ADARB2: variants seen among roughly 807,000 people sequenced by gnomAD.
ADARB2 encodes adenosine deaminase RNA specific B2 (inactive), also known as inactive double-stranded RNA-specific editase B2.
In ADARB2, 25 loss-of-function variants were observed where a neutral mutation model predicts 62.2. The ratio of observed to expected loss-of-function variants is 0.40; its 90% CI spans 0.29 to 0.56. The LOEUF (loss-of-function observed/expected upper bound fraction) is 0.56, where lower values mean the gene tolerates loss of function less well. Ranked by LOEUF, ADARB2 falls within the 20% of genes least tolerant of loss-of-function variation. The pLI, the probability that ADARB2 is intolerant of heterozygous loss-of-function variation, is 0.43. For synonymous variants in ADARB2, 572 were observed against 500.8 expected (o/e 1.14, Z -1.90); for missense variants, 1,071 against 1,077.4 (o/e 0.99, Z 0.08).
intron 8 of ADARB2, among the ~76,000 whole-genome samples, chr10:1,196,017 CCT>C (rs925219777): frequency 6.6e-6 from 1 of 152,084 alleles, no homozygotes; most frequent in Non-Finnish European, 1.5e-5. Context: ...TTCCAGAGTG[CCT>C]CTCTCTCCCG....
At position 1,471,394 on chromosome 10, in the gene ADARB2, AT is replaced by A. The variant is rs757824417; in HGVS notation, c.101-92235del. Among the ~76,000 whole-genome samples, 1,313 of 145,704 alleles carry A rather than the reference AT, an allele frequency of 9.0e-3. 10 individuals are homozygous for A. Among genetic ancestry groups the A allele is most frequent in the Middle Eastern group, 0.029 (8 of 280 alleles). ...AAAACTAAGAGCAGACCTTTGTACA[AT>A]TTTTTTTTTTTTGAGATGGAGTTTC... On this transcript the variant is annotated intron_variant, in intron 1 of 9. Coordinates refer to ENST00000381312, the MANE Select transcript of ADARB2 (RefSeq NM_018702.4).
chr10:1,663,662 C>G (rs899408300), intron 1 of ADARB2, among the ~76,000 whole-genome samples: 1 of 152,156 alleles, frequency 6.6e-6, no homozygotes, highest in Admixed American at 6.5e-5. Context: ...CTCTGTCACC[C>G]AGGCTAGAGT....
rs906366558 is a variant in ADARB2 at position 1,285,412 on chromosome 10, C to A, written c.1078-14343G>T. 4.6e-5 allele frequency among the ~76,000 whole-genome samples: 7 copies of A among 152,170 alleles called. 1 individual carries two copies. Among genetic ancestry groups the A allele is most frequent in the African/African-American group, 1.7e-4 (7 of 41,416 alleles). ...TCCTTGGTGATGCCCTGAGGCTTTG[C>A]CTGGCACCCTCAGAGCAGAGGTTTA... On this transcript the variant is annotated intron_variant, in intron 3 of 9. Transcript: ENST00000381312.
chr10:1,425,959 C>T (rs929357470), intron 1 of ADARB2, among the ~76,000 whole-genome samples: 12 of 152,138 alleles, frequency 7.9e-5, no homozygotes, highest in Non-Finnish European at 1.3e-4. Context: ...TGGAGCTGAG[C>T]GGGTGAGGGC....
At chr10:1,396,966 C>T (rs1588243569) in intron 1 of ADARB2, among the ~76,000 whole-genome samples, 2 of 103,434 alleles carry the variant, frequency 1.9e-5, no homozygotes, top group African/African-American at 3.5e-5. Context: ...GTGGAGGCTT[C>T]CTGGGTCACC....
intron 1 of ADARB2, among the ~76,000 whole-genome samples, chr10:1,391,654 C>G (rs998239296): frequency 1.3e-5 from 2 of 151,358 alleles, no homozygotes; most frequent in African/African-American, 4.9e-5. Flanking sequence ...TCTTTTGGTG[C>G]GTGATGTTAT....
intron 1 of ADARB2, among the ~76,000 whole-genome samples, chr10:1,390,298 G>T (rs1290441451): frequency 1.3e-5 from 2 of 152,186 alleles, no homozygotes; most frequent in Non-Finnish European, 2.9e-5. Flanking sequence ...CATCTCTGAA[G>T]GGTGCTTGTA....
At chr10:1,670,718 AC>A (rs1834373328) in intron 1 of ADARB2, among the ~76,000 whole-genome samples, 2 of 152,120 alleles carry the variant, frequency 1.3e-5, no homozygotes, top group African/African-American at 4.8e-5. Flanking sequence ...TGACTTAAAC[AC>A]GTCACGGAGG....
chr10:1,663,610 T>C (rs1362662168), intron 1 of ADARB2, among the ~76,000 whole-genome samples: 6 of 149,202 alleles, frequency 4.0e-5, no homozygotes, highest in Non-Finnish European at 8.9e-5. Flanking sequence ...CTTCATGACT[T>C]GACAAATGAA....
chr10:1,560,415 C>T (rs933510657), intron 1 of ADARB2, among the ~76,000 whole-genome samples: 2 of 151,912 alleles, frequency 1.3e-5, no homozygotes, highest in African/African-American at 4.8e-5. Flanking sequence ...CCTGGTGCAC[C>T]CTGGGTCATC....
At chr10:1,484,682 G>A (rs116226369) in intron 1 of ADARB2, among the ~76,000 whole-genome samples, 291 of 152,328 alleles carry the variant, frequency 1.9e-3, no homozygotes, top group South Asian at 0.016. Flanking sequence ...ATGCATGTAT[G>A]CAGGTGAGGA....
intron 1 of ADARB2, among the ~76,000 whole-genome samples, chr10:1,493,700 T>G (rs1406421385): frequency 6.8e-6 from 1 of 147,360 alleles, no homozygotes; most frequent in African/African-American, 2.5e-5. Context: ...CCAAGCATTA[T>G]TATTCTAGGC....
intron 1 of ADARB2, among the ~76,000 whole-genome samples, chr10:1,485,665 G>T (rs1024906562): frequency 2.6e-5 from 4 of 152,150 alleles, no homozygotes; most frequent in Non-Finnish European, 5.9e-5. Context: ...CTGTCACCTT[G>T]TCACAACACG....
intron 1 of ADARB2, among the ~76,000 whole-genome samples, chr10:1,483,650 A>AAGTC (rs1831503667): frequency 1.4e-5 from 1 of 69,758 alleles, no homozygotes; most frequent in African/African-American, 6.5e-5. Flanking sequence ...AATACCCAGA[A>AAGTC]AGTCAGTTTG....
At chr10:1,659,305 C>T (rs1834213109) in intron 1 of ADARB2, among the ~76,000 whole-genome samples, 1 of 152,190 alleles carries the variant, frequency 6.6e-6, no homozygotes, top group African/African-American at 2.4e-5. Context: ...GGATGGGAGT[C>T]CTTCCTGGCC....
chr10:1,641,200 TA>T (rs1420846926), intron 1 of ADARB2, among the ~76,000 whole-genome samples: 2 of 152,220 alleles, frequency 1.3e-5, no homozygotes, highest in Admixed American at 6.5e-5. Flanking sequence ...AATAATTCAA[TA>T]AAAAGTCTCT....
At chr10:1,336,896 G>C (rs753555043) in intron 3 of ADARB2, among the ~76,000 whole-genome samples, 1 of 152,072 alleles carries the variant, frequency 6.6e-6, no homozygotes, top group East Asian at 1.9e-4. Flanking sequence ...CTCCCCCTCT[G>C]CTCCGATTCC....
At chr10:1,647,548 CAT>C (rs1350217061) in intron 1 of ADARB2, among the ~76,000 whole-genome samples, 1 of 151,596 alleles carries the variant, frequency 6.6e-6, no homozygotes, top group Admixed American at 6.6e-5. Flanking sequence ...TGTGAGTATA[CAT>C]GTGTATATAT....
At chr10:1,644,665 A>G (rs1400436389) in intron 1 of ADARB2, among the ~76,000 whole-genome samples, 1 of 152,234 alleles carries the variant, frequency 6.6e-6, no homozygotes, top group Non-Finnish European at 1.5e-5. Flanking sequence ...GAGCACAAGC[A>G]ATTTTTCTTG....
Sources: gnomAD v4.1 joint callset for allele counts (sites outside exome capture counted in the v4.1 genomes callset) on GRCh38, gnomAD v4.1.1 for gene constraint, MANE v1.5 for transcripts, NCBI Gene and HGNC (gene_info 2026-07-23, HGNC 2026-07-21) for gene names.